The following FBN1 variants were observed in gnomAD, a reference collection of about 807,000 sequenced individuals.
The protein encoded by FBN1 is fibrillin 1.
In FBN1, 29 loss-of-function variants were observed where a neutral mutation model predicts 365.1. That is an observed-to-expected ratio of 0.08 (90% CI 0.06 to 0.11). The LOEUF is 0.11. FBN1 is among the 10% of genes least tolerant of loss of function. FBN1 has a pLI of 1.00. For synonymous variants in FBN1, 1,210 were observed against 1,270.5 expected, an observed-to-expected ratio of 0.95 and a Z score of 1.01; for missense variants, 2,476 against 3,703.2, an observed-to-expected ratio of 0.67 and a Z score of 8.60.
In FBN1 at chr15:48,464,082, ATACT is replaced by A. The variant is rs1292008660; in HGVS notation, c.4943-65_4943-62del. 5 of 1,525,752 alleles carry A rather than the reference ATACT, an allele frequency of 3.3e-6. No homozygotes were observed. The African/African-American group carries it at 6.8e-5, about 21-fold the overall frequency. 94.5% of individuals were successfully genotyped at this position (1,525,752 alleles called of 1,614,324 possible). A position where few individuals can be genotyped will look rare whatever the true frequency, so the allele number is the denominator to read the frequency against. ...AAACTTCACATTTTGGAATGGCCTG[ATACT>A]TAATGAATGTTGACATTAGAGGAGA... is the stretch of plus-strand genomic sequence containing the variant. On this transcript the variant is annotated intron_variant, in intron 40 of 65. Transcript: ENST00000316623.
Position 48,463,245 on chromosome 15 carries a change from A to G in FBN1, c.5066-5T>C. ...AGCACAAACTTCTTCTCATATCTAG[A>G]AGGGAGGTAAAAAAAAGGATTGGAG... On this transcript the variant is annotated splice_polypyrimidine_tract_variant and splice_region_variant and intron_variant, in intron 41 of 65. Coordinates refer to ENST00000316623, the MANE Select transcript of FBN1 (RefSeq NM_000138.5). The G allele has an allele frequency of 1.2e-6, 2 of 1,613,404 alleles. No homozygotes were observed. Among genetic ancestry groups the G allele is most frequent in the Non-Finnish European group, 1.7e-6 (2 of 1,179,746 alleles).
At chr15:48,531,726 G>A (rs760836313) in intron 8 of FBN1, among the ~76,000 whole-genome samples, 4 of 152,104 alleles carry the variant, frequency 2.6e-5, no homozygotes, top group Non-Finnish European at 4.4e-5. Context: ...AAGTGAACCC[G>A]GCTTGCCAAG....
chr15:48,443,775 T>C (rs1310992718), intron 49 of FBN1, among the ~76,000 whole-genome samples: 1 of 151,992 alleles, frequency 6.6e-6, no homozygotes, highest in East Asian at 1.9e-4. Context: ...TTTGTTGAGG[T>C]TAAAGGAAGG....
intron 23 of FBN1, among the ~76,000 whole-genome samples, 166 bp downstream of exon 23, chr15:48,494,038 T>C (rs542912575): frequency 1.3e-5 from 2 of 152,354 alleles, no homozygotes; most frequent in African/African-American, 2.4e-5. Flanking sequence ...ACAGTATATA[T>C]ATGCTTGTGA....
At chr15:48,484,403 C>T (rs1288587605) in intron 30 of FBN1, among the ~76,000 whole-genome samples, 1 of 150,048 alleles carries the variant, frequency 6.7e-6, no homozygotes, top group Non-Finnish European at 1.5e-5. Flanking sequence ...GACAGAGTCT[C>T]ACTCTGTCAC....
intron 40 of FBN1, 140 bp downstream of exon 40, chr15:48,465,428 A>C: frequency 1.1e-6 from 1 of 918,080 alleles, no homozygotes; most frequent in Non-Finnish European, 1.7e-6. Context: ...GCCACATGTG[A>C]GACATATCTA....
intron 6 of FBN1, among the ~76,000 whole-genome samples, chr15:48,558,230 C>T (rs1363001201): frequency 6.6e-6 from 1 of 152,184 alleles, no homozygotes; most frequent in East Asian, 1.9e-4. Flanking sequence ...CCCAGAATAT[C>T]TTCTTCCAGT....
At position 48,499,072 on chromosome 15, in the gene FBN1, T is replaced by C. The variant is rs776746042; in HGVS notation, c.2114-34A>G. ...AATTAACAGATAGTAAATGATTCCC[T>C]TGTTTGCAGAACAGGTAGATCCTGC... is the stretch of plus-strand genomic sequence containing the variant. On this transcript the variant is annotated intron_variant, in intron 17 of 65. Coordinates refer to ENST00000316623, the MANE Select transcript of FBN1 (RefSeq NM_000138.5). 3.1e-6 allele frequency: 5 copies of C among 1,609,456 alleles called. No individual in the cohort carries two copies. In the East Asian group the frequency reaches 8.9e-5, roughly 29 times the overall value.
intron 4 of FBN1, among the ~76,000 whole-genome samples, chr15:48,607,515 T>C (rs1035061341): frequency 3.0e-5 from 4 of 131,624 alleles, no homozygotes; most frequent in African/African-American, 1.5e-4. Context: ...CATGAAAGGA[T>C]TAGTATCCTT....
chr15:48,586,650 T>G (rs573101842), intron 6 of FBN1, among the ~76,000 whole-genome samples: 40 of 152,326 alleles, frequency 2.6e-4, no homozygotes, highest in African/African-American at 9.6e-4. Context: ...GATGAGTGTC[T>G]CATGCTGTGT....
At chr15:48,542,789 G>GTGTC (rs557626800) in intron 6 of FBN1, among the ~76,000 whole-genome samples, 1 of 47,998 alleles carries the variant, frequency 2.1e-5, no homozygotes, top group Admixed American at 2.0e-4. Context: ...AGATGTGTGT[G>GTGTC]TGTGTGTGTG....
In FBN1 at chr15:48,452,651, T is replaced by C; in HGVS notation, c.5456A>G (p.Gln1819Arg). The change falls in exon 45 of 66, where the codon CAG (glutamine) becomes CGG (arginine). Residue 1819 changes from glutamine to arginine, a missense_variant. Physicochemically the swap from Gln to Arg is conservative, Grantham distance 43 (BLOSUM62 1). Around this residue, in one of 5 missense-constraint regions of FBN1, gnomAD observed 1,780 missense variants for 2,840.8 expected, o/e 0.63. Coordinates refer to ENST00000316623, the MANE Select transcript of FBN1 (RefSeq NM_000138.5). ...AGTGTTGATGCATTCGGCGTTGCGC[T>C]GGCACACTGGGCCGTTCTGACACTC... ...IDECQNGPVC[Q>R]RNAECINTAG... is the part of the protein sequence containing the mutation. 1.2e-6 allele frequency: 2 copies of C among 1,614,218 alleles called. No homozygotes were observed. Among genetic ancestry groups the C allele is most frequent in the South Asian group, 2.2e-5 (2 of 91,084 alleles).
chr15:48,491,951 T>C (rs1379365948), intron 24 of FBN1, among the ~76,000 whole-genome samples: 1 of 152,166 alleles, frequency 6.6e-6, no homozygotes, highest in Non-Finnish European at 1.5e-5. Flanking sequence ...AGGATCCCAT[T>C]TGGGCTCTAG....
chr15:48,515,381 A>G lies in FBN1; in HGVS notation c.1468+6T>C. On this transcript the variant is annotated splice_donor_region_variant and intron_variant, in intron 12 of 65. Transcript: ENST00000316623. ...CCTTGGTGCCAACCTAGGATGGATC[A>G]CGTACCAATACACTCCCCACGGAGG... 6.2e-7 allele frequency: 1 copy of G among 1,613,910 alleles called. No individual in the cohort carries two copies. The highest frequency in any genetic ancestry group is 8.5e-7 in the Non-Finnish European group (1 of 1,179,842).
intron 16 of FBN1, 55 bp downstream of exon 16, chr15:48,504,970 A>G: frequency 6.2e-7 from 1 of 1,612,734 alleles, no homozygotes; most frequent in Non-Finnish European, 8.5e-7. Context: ...ATTGGGCTTT[A>G]TTGAGTGACA....
At chr15:48,523,015 C>A (rs1461839723) in intron 9 of FBN1, among the ~76,000 whole-genome samples, 2 of 152,150 alleles carry the variant, frequency 1.3e-5, no homozygotes, top group Admixed American at 6.5e-5. Flanking sequence ...GGTACCTCCC[C>A]CGTCAAGAGG....
intron 19 of FBN1, among the ~76,000 whole-genome samples, chr15:48,496,840 G>C (rs1005170906): frequency 6.6e-6 from 1 of 152,188 alleles, no homozygotes; most frequent in Non-Finnish European, 1.5e-5. Flanking sequence ...CCAACTTTAA[G>C]AGAGCAGGTA....
intron 13 of FBN1, among the ~76,000 whole-genome samples, chr15:48,512,564 G>A (rs555585250): frequency 3.3e-5 from 5 of 152,276 alleles, no homozygotes; most frequent in African/African-American, 1.2e-4. Flanking sequence ...TTAAAAGTGA[G>A]AACATGCAGT....
rs1197499923 is a variant in FBN1, at chr15:48,409,784, T to A, written c.*1206A>T. 4 of 152,190 alleles carry A rather than the reference T, an allele frequency of 2.6e-5. No homozygotes were observed. The highest frequency in any genetic ancestry group is 5.9e-5 in the Non-Finnish European group (4 of 68,040). 9.4% of individuals were successfully genotyped at this position (152,190 alleles called of 1,614,324 possible). ...CTAAGACAATGACTGAACTTGGTAT[T>A]TAAGACTATTTAAAAGTCACAAGAT... On this transcript the variant is annotated 3_prime_UTR_variant, in exon 66 of 66. Transcript: ENST00000316623.
Sources: allele counts gnomAD v4.1 joint callset (sites outside exome capture counted in the v4.1 genomes callset), GRCh38; gene constraint gnomAD v4.1.1; regional missense constraint gnomAD v4.1.1; transcripts MANE v1.5; gene names NCBI Gene and HGNC (gene_info 2026-07-23, HGNC 2026-07-21).